Variants in CDC20B observed in about 807,000 individuals in gnomAD.
CDC20B encodes cell division cycle 20B, also known as cell division cycle protein 20 homolog B.
In CDC20B, 58 loss-of-function variants were observed where a neutral mutation model predicts 64.1. The observed-to-expected ratio is 0.90, with a 90% CI of 0.73 to 1.13. The LOEUF is 1.13. CDC20B is among the 50% of genes most tolerant of loss of function. CDC20B has a pLI of 0.00. For synonymous variants in CDC20B, 243 were observed against 230.6 expected (o/e 1.05, Z -0.49); for missense variants, 597 against 633.0 (o/e 0.94, Z 0.61).
At chr5:55,147,695 CTGTAGGTATACCAA>C (rs1490275231) in intron 2 of CDC20B, among the ~76,000 whole-genome samples, 2 of 151,856 alleles carry the variant, frequency 1.3e-5, no homozygotes, top group African/African-American at 4.8e-5. Flanking sequence ...GCTCAAGGGT[CTGTAGGTATACCAA>C]TGTAGTTTAG....
intron 2 of CDC20B, chr5:55,161,077 T>C (rs2111941466): frequency 1.2e-6 from 2 of 1,614,216 alleles, no homozygotes; most frequent in South Asian, 2.2e-5. Context: ...ACAAAGAGTT[T>C]GGACCATCCC....
intron 4 of CDC20B, 86 bp from the exon 5 acceptor site, chr5:55,140,493 T>G: frequency 1.2e-6 from 1 of 838,812 alleles, no homozygotes; most frequent in Non-Finnish European, 1.9e-6. Flanking sequence ...GAATTACAAC[T>G]GGTAATTCAC....
chr5:55,119,664 G>A, intron 11 of CDC20B, 137 bp downstream of exon 11: 1 of 609,974 alleles, frequency 1.6e-6, no homozygotes, highest in Non-Finnish European at 3.0e-6. Flanking sequence ...AGGTAGGGTG[G>A]ATGTAGGACT....
chr5:55,137,878 AG>A (rs1334246521), intron 5 of CDC20B, among the ~76,000 whole-genome samples: 13 of 152,188 alleles, frequency 8.5e-5, no homozygotes, highest in African/African-American at 3.1e-4. Flanking sequence ...CTACCCCTCA[AG>A]TGCCTGCAAA....
chr5:55,141,428 C>T (rs556307422), intron 4 of CDC20B, among the ~76,000 whole-genome samples: 6 of 152,216 alleles, frequency 3.9e-5, no homozygotes, highest in Non-Finnish European at 8.8e-5. Context: ...ATACCTTTTA[C>T]GGACAATAGT....
intron 3 of CDC20B, among the ~76,000 whole-genome samples, chr5:55,145,714 A>G (rs1322630224): frequency 1.3e-5 from 2 of 149,824 alleles, no homozygotes; most frequent in African/African-American, 4.9e-5. Context: ...CTACTCTTGG[A>G]GGTTCTTCTT....
chr5:55,120,639 C>G, intron 9 of CDC20B, 89 bp from the exon 10 acceptor site: 1 of 1,503,510 alleles, frequency 6.7e-7, no homozygotes, highest in Non-Finnish European at 9.1e-7. Flanking sequence ...CAGCAAGTCC[C>G]CACGTCTGCA....
At chr5:55,154,015 T>G (rs935093028) in intron 2 of CDC20B, among the ~76,000 whole-genome samples, 3 of 152,148 alleles carry the variant, frequency 2.0e-5, no homozygotes, top group African/African-American at 7.2e-5. Flanking sequence ...AAACTCTGTG[T>G]CTCTGCACCG....
intron 9 of CDC20B, among the ~76,000 whole-genome samples, chr5:55,122,668 G>A (rs1408343863): frequency 1.3e-5 from 2 of 152,180 alleles, no homozygotes; most frequent in Non-Finnish European, 2.9e-5. Flanking sequence ...AGGTGTTAAC[G>A]CTTTCACCTT....
chr5:55,163,973 C>A, intron 2 of CDC20B: 1 of 1,046,604 alleles, frequency 9.6e-7, no homozygotes, highest in Non-Finnish European at 1.4e-6. Context: ...CTAAAGTTAT[C>A]ATTTATGCAG....
intron 6 of CDC20B, among the ~76,000 whole-genome samples, chr5:55,132,937 G>A (rs1322048713): frequency 3.9e-5 from 6 of 152,036 alleles, no homozygotes; most frequent in African/African-American, 1.2e-4. Flanking sequence ...CGTCTTTCTG[G>A]ACAACACCGA....
At chr5:55,133,343 GT>G (rs1216923274) in intron 6 of CDC20B, 68 bp downstream of exon 6, 9 of 728,794 alleles carry the variant, frequency 1.2e-5, no homozygotes, top group Admixed American at 1.2e-4. Context: ...CAAATTTCAA[GT>G]TTATACCAGA....
At chr5:55,134,530 G>A (rs1042078491) in intron 5 of CDC20B, among the ~76,000 whole-genome samples, 26 of 152,190 alleles carry the variant, frequency 1.7e-4, no homozygotes, top group African/African-American at 6.0e-4. Flanking sequence ...TAGGAGCTGA[G>A]GCAGGCAGAT....
At chr5:55,156,709 A>G (rs2111918059) in intron 2 of CDC20B, among the ~76,000 whole-genome samples, 1 of 152,114 alleles carries the variant, frequency 6.6e-6, no homozygotes, top group South Asian at 2.1e-4. Context: ...CCCCATCACT[A>G]CTAAAAATAC....
intron 2 of CDC20B, among the ~76,000 whole-genome samples, chr5:55,159,037 G>C (rs1743904777): frequency 6.6e-6 from 1 of 151,742 alleles, no homozygotes; most frequent in Non-Finnish European, 1.5e-5. Context: ...CTTTTGTTCT[G>C]ATTTTAAGAT....
In CDC20B at chr5:55,133,470, G is replaced by A. The variant is rs751222823; in HGVS notation, c.639C>T (p.Asn213=). ...SFHLKSSGDI[N]DSILQPEVKI... The stretch of plus-strand genomic sequence containing the variant: ...TCACCTCTGGTTGGAGTATGGAATC[G>A]TTTATATCACCAGAACTTTTAAGAT... The change falls in exon 6 of 12, where the codon AAC becomes AAT. Residue 213 remains asparagine (N), a synonymous_variant. Coordinates refer to ENST00000381375, the MANE Select transcript of CDC20B (RefSeq NM_001170402.1). 1.0e-5 allele frequency: 16 copies of A among 1,582,640 alleles called. No individual in the cohort carries two copies. The highest frequency in any genetic ancestry group is 1.7e-5 in the Admixed American group (1 of 59,094).
chr5:55,125,795 G>A (rs1742872268), intron 8 of CDC20B, among the ~76,000 whole-genome samples: 1 of 152,232 alleles, frequency 6.6e-6, no homozygotes, highest in African/African-American at 2.4e-5. Context: ...ATGCTGAACA[G>A]CATTGTGATT....
At chr5:55,135,116 C>T (rs544910335) in intron 5 of CDC20B, among the ~76,000 whole-genome samples, 82 of 151,972 alleles carry the variant, frequency 5.4e-4, no homozygotes, top group Non-Finnish European at 9.4e-4. Flanking sequence ...ATGTTGATAA[C>T]GGGGGAGGCT....
At position 55,119,831 on chromosome 5, in the gene CDC20B, G is replaced by A. The variant is rs1478564269; in HGVS notation, c.1429C>T (p.Pro477Ser). 1 of 1,613,892 alleles carries A rather than the reference G, an allele frequency of 6.2e-7. No homozygotes were observed. The highest frequency in any genetic ancestry group is 1.7e-5 in the Admixed American group (1 of 60,020). ...AACCCACCTGACCTGGACACAGTGG[G>A]ACAGGTCCACACAGTCACATCATTC... is the stretch of plus-strand genomic sequence containing the variant. ...PKNDVTVWTC[P>S]TVSRSGGFFG... The change falls in exon 11 of 12, where the codon CCC becomes TCC. Residue 477 changes from proline (P) to serine (S), a missense_variant. Around this residue, in one of 3 missense-constraint regions of CDC20B, gnomAD observed 353 missense variants for 397.0 expected, o/e 0.89. Coordinates refer to ENST00000381375, the MANE Select transcript of CDC20B (RefSeq NM_001170402.1).
Sources: allele counts gnomAD v4.1 joint callset (sites outside exome capture counted in the v4.1 genomes callset), GRCh38; gene constraint gnomAD v4.1.1; regional missense constraint gnomAD v4.1.1; transcripts MANE v1.5; gene names NCBI Gene and HGNC (gene_info 2026-07-23, HGNC 2026-07-21).